The following B3GALT1 variants were observed in gnomAD, a reference collection of about 807,000 sequenced individuals.
B3GALT1 encodes beta-1,3-galactosyltransferase 1.
In B3GALT1, 10 loss-of-function variants were observed where a neutral mutation model predicts 23.2. That is an observed-to-expected ratio of 0.43 (90% CI 0.27 to 0.73). The LOEUF (loss-of-function observed/expected upper bound fraction) is 0.73. Ranked by LOEUF, B3GALT1 falls within the 30% of genes least tolerant of loss-of-function variation. B3GALT1 has a pLI of 0.21. For missense variants in B3GALT1, 299 were observed against 405.4 expected, an observed-to-expected ratio of 0.74 and a Z score of 2.25; for synonymous variants, 156 against 141.5, an observed-to-expected ratio of 1.10 and a Z score of -0.73.
chr2:167,392,022 G>C, intron 1 of B3GALT1, among the ~76,000 whole-genome samples: 1 of 152,038 alleles, frequency 6.6e-6, no homozygotes, highest in South Asian at 2.1e-4. Flanking sequence ...CTTGGTCTCT[G>C]TAGAACTCTG....
At chr2:167,777,481 G>C (rs1688179638) in intron 3 of B3GALT1, among the ~76,000 whole-genome samples, 1 of 152,168 alleles carries the variant, frequency 6.6e-6, no homozygotes, top group Admixed American at 6.5e-5. Flanking sequence ...CAAGTAGCTG[G>C]AATTACAGGC....
chr2:167,685,722 T>TTATTCTCTGCAGTGGAATACTA, intron 3 of B3GALT1, among the ~76,000 whole-genome samples: 1 of 152,312 alleles, frequency 6.6e-6, no homozygotes, highest in East Asian at 1.9e-4. Context: ...AGTTTGGATT[T>TTATTCTCTGCAGTGGAATACTA]TATTCTCTGC....
At chr2:167,765,930 A>G (rs1687970753) in intron 3 of B3GALT1, among the ~76,000 whole-genome samples, 1 of 152,242 alleles carries the variant, frequency 6.6e-6, no homozygotes, top group South Asian at 2.1e-4. Context: ...CCATCTATTA[A>G]TACACTATTT....
intron 2 of B3GALT1, among the ~76,000 whole-genome samples, chr2:167,529,751 G>C (rs1403669648): frequency 6.6e-6 from 1 of 151,262 alleles, no homozygotes; most frequent in African/African-American, 2.4e-5. Flanking sequence ...AAAATATATC[G>C]AGAGCTTAAC....
At chr2:167,465,914 C>G (rs1213791898) in intron 1 of B3GALT1, among the ~76,000 whole-genome samples, 2 of 151,786 alleles carry the variant, frequency 1.3e-5, no homozygotes, top group Non-Finnish European at 2.9e-5. Flanking sequence ...CCCCCTCCAT[C>G]TCCAAGGGCC....
chr2:167,663,979 G>T (rs1686123927), intron 3 of B3GALT1, among the ~76,000 whole-genome samples: 1 of 151,196 alleles, frequency 6.6e-6, no homozygotes, highest in South Asian at 2.1e-4. Flanking sequence ...GATCCCATTT[G>T]TCAATTTTGG....
chr2:167,690,756 C>A lies in B3GALT1; in HGVS notation c.-352+43790C>A, dbSNP rs191767816. ...TATCGTCCCTAGTTTCATCACTATT[C>A]AATGCAGGGTCTACTTTTTAGAAAG... is the stretch of plus-strand genomic sequence containing the variant. On this transcript the variant is annotated intron_variant, in intron 3 of 4. Transcript: ENST00000392690. Among the ~76,000 whole-genome samples, 22 of 152,224 alleles carry A rather than the reference C, an allele frequency of 1.4e-4. No individual in the cohort carries two copies. The East Asian group carries it at 2.5e-3, about 17-fold the overall frequency.
chr2:167,840,680 A>G (rs1265259859), intron 4 of B3GALT1, among the ~76,000 whole-genome samples: 7 of 151,902 alleles, frequency 4.6e-5, no homozygotes, highest in Non-Finnish European at 1.0e-4. Flanking sequence ...TACTGGCTAT[A>G]TACCCAAAGG....
intron 3 of B3GALT1, among the ~76,000 whole-genome samples, chr2:167,692,848 T>C (rs981458259): frequency 6.6e-6 from 1 of 152,090 alleles, no homozygotes; most frequent in African/African-American, 2.4e-5. Flanking sequence ...CTATTTTAAC[T>C]CAGTGAATTC....
intron 2 of B3GALT1, among the ~76,000 whole-genome samples, chr2:167,526,915 A>C (rs527958490): frequency 6.9e-6 from 1 of 144,148 alleles, no homozygotes; most frequent in East Asian, 2.4e-4. Context: ...AATTTTTTCT[A>C]TGACTACGTA....
chr2:167,494,662 A>G (rs934949673), intron 2 of B3GALT1, among the ~76,000 whole-genome samples: 1 of 152,204 alleles, frequency 6.6e-6, no homozygotes, highest in Admixed American at 6.5e-5. Context: ...TTTAAAATCT[A>G]GATGAGGCAA....
intron 3 of B3GALT1, among the ~76,000 whole-genome samples, chr2:167,756,111 G>A (rs1177461117): frequency 6.6e-6 from 1 of 152,076 alleles, no homozygotes; most frequent in East Asian, 1.9e-4. Context: ...TTGAGGAAAG[G>A]GACATTATAG....
intron 1 of B3GALT1, among the ~76,000 whole-genome samples, chr2:167,448,436 C>T (rs1699037221): frequency 6.6e-6 from 1 of 151,822 alleles, no homozygotes; most frequent in Non-Finnish European, 1.5e-5. Flanking sequence ...TATTAATGTC[C>T]TTAGCTCAAT....
At chr2:167,469,481 T>C (rs987373066) in intron 1 of B3GALT1, among the ~76,000 whole-genome samples, 7 of 152,316 alleles carry the variant, frequency 4.6e-5, no homozygotes, top group Admixed American at 1.3e-4. Context: ...TTAAAATGGT[T>C]TTATTCACTT....
At chr2:167,554,295 A>G (rs1324889810) in intron 2 of B3GALT1, among the ~76,000 whole-genome samples, 2 of 152,176 alleles carry the variant, frequency 1.3e-5, no homozygotes, top group Admixed American at 1.3e-4. Context: ...TCCTTTCTGA[A>G]TAGTTAGTTG....
intron 4 of B3GALT1, among the ~76,000 whole-genome samples, chr2:167,843,134 T>G (rs1352521160): frequency 6.6e-6 from 1 of 152,212 alleles, no homozygotes; most frequent in Non-Finnish European, 1.5e-5. Flanking sequence ...TCTTCAAAAT[T>G]ACTGACAAAA....
rs1298950167 is a variant in B3GALT1 at position 167,664,922 on chromosome 2, A to G, written c.-352+17956A>G. Among the ~76,000 whole-genome samples the G allele has an allele frequency of 4.2e-4, 63 of 149,940 alleles. No homozygotes were observed. The East Asian group carries it at 0.012, about 29-fold the overall frequency. ...GTCGTCTGCAAACAGGGACAATTTG[A>G]CTTCCTCTTTTCCTAATTGAATACC... On this transcript the variant is annotated intron_variant, in intron 3 of 4. Transcript: ENST00000392690.
At chr2:167,740,558 GAT>G (rs1304227844) in intron 3 of B3GALT1, among the ~76,000 whole-genome samples, 1 of 152,066 alleles carries the variant, frequency 6.6e-6, no homozygotes, top group Non-Finnish European at 1.5e-5. Flanking sequence ...TTATTTTGCA[GAT>G]ACTTGGCAAA....
chr2:167,582,329 G>T (rs753208681), intron 2 of B3GALT1, among the ~76,000 whole-genome samples: 3 of 152,192 alleles, frequency 2.0e-5, no homozygotes, highest in Non-Finnish European at 2.9e-5. Flanking sequence ...TTGGCGTGCA[G>T]TTGTTTTAAC....
Sources: gnomAD v4.1 joint callset for allele counts (sites outside exome capture counted in the v4.1 genomes callset) on GRCh38, gnomAD v4.1.1 for gene constraint, MANE v1.5 for transcripts, NCBI Gene and HGNC (gene_info 2026-07-23, HGNC 2026-07-21) for gene names.